Variants in NRXN3 observed in about 807,000 individuals in gnomAD.
NRXN3 encodes neurexin III.
In NRXN3, 32 loss-of-function variants were observed where a neutral mutation model predicts 137.6. That is an observed-to-expected ratio of 0.23 (90% confidence interval 0.18 to 0.31). The LOEUF (loss-of-function observed/expected upper bound fraction) is 0.31. NRXN3 is among the 10% of genes least tolerant of loss of function. The pLI, the probability that NRXN3 is intolerant of heterozygous loss-of-function variation, is 1.00. For missense variants in NRXN3, 1,574 were observed against 2,062.5 expected (o/e 0.76, Z 4.59); for synonymous variants, 798 against 784.5 (o/e 1.02, Z -0.29).
At chr14:78,434,962 G>A (rs554501376) in intron 4 of NRXN3, among the ~76,000 whole-genome samples, 1 of 152,262 alleles carries the variant, frequency 6.6e-6, no homozygotes, top group Admixed American at 6.5e-5. Flanking sequence ...GACAGAGAGG[G>A]GCTTGCAGGC....
intron 1 of NRXN3, among the ~76,000 whole-genome samples, chr14:78,238,340 C>T (rs895089302): frequency 1.3e-5 from 2 of 152,198 alleles, no homozygotes; most frequent in Non-Finnish European, 2.9e-5. Flanking sequence ...CAGCCCGGGC[C>T]CTGCATGCAG....
intron 10 of NRXN3, among the ~76,000 whole-genome samples, chr14:78,893,761 A>G (rs1402966303): frequency 6.6e-6 from 1 of 151,898 alleles, no homozygotes; most frequent in East Asian, 1.9e-4. Flanking sequence ...GAAGTCCTTT[A>G]TTCAGTCTAG....
chr14:78,644,218 GA>G (rs1327506625), intron 4 of NRXN3, among the ~76,000 whole-genome samples: 1 of 151,968 alleles, frequency 6.6e-6, no homozygotes, highest in Non-Finnish European at 1.5e-5. Context: ...CACAAGCCCT[GA>G]AAAACAGGCT....
chr14:78,988,002 C>T lies in NRXN3; in HGVS notation c.3143-20C>T. 5 of 1,593,432 alleles carry T rather than the reference C, an allele frequency of 3.1e-6. No homozygotes were observed. Among genetic ancestry groups the T allele is most frequent in the Admixed American group, 3.6e-5 (2 of 55,486 alleles). On this transcript the variant is annotated intron_variant, in intron 14 of 20. Transcript: ENST00000335750. The stretch of plus-strand genomic sequence containing the variant: ...TCTCTCTCCTTTTTCTTTTTTTCCC[C>T]TCTTCTTGTGCATTACTAGGACCCA...
At chr14:79,102,044 G>A (rs1033137869) in intron 15 of NRXN3, among the ~76,000 whole-genome samples, 2 of 152,222 alleles carry the variant, frequency 1.3e-5, no homozygotes, top group East Asian at 1.9e-4. Context: ...GAAAGTAATG[G>A]AACCAATTCT....
At chr14:79,479,450 A>T (rs1052238010) in intron 16 of NRXN3, among the ~76,000 whole-genome samples, 1 of 152,044 alleles carries the variant, frequency 6.6e-6, no homozygotes, top group African/African-American at 2.4e-5. Context: ...ACTTAGACTT[A>T]ATCATTGATA....
At chr14:78,498,037 G>T (rs1038675004) in intron 4 of NRXN3, among the ~76,000 whole-genome samples, 6 of 152,178 alleles carry the variant, frequency 3.9e-5, no homozygotes, top group Admixed American at 2.0e-4. Flanking sequence ...CCTAGTATGT[G>T]TTAAGTATTA....
chr14:79,713,164 CTTTT>C (rs574716352), intron 19 of NRXN3, among the ~76,000 whole-genome samples: 3,174 of 80,906 alleles, frequency 0.039, 86 homozygotes, highest in African/African-American at 0.1. Context: ...CTGATTTTTA[CTTTT>C]TTTTTTTTTT....
chr14:78,294,555 CAAAAA>C (rs199592742), intron 3 of NRXN3, among the ~76,000 whole-genome samples: 5 of 106,436 alleles, frequency 4.7e-5, no homozygotes, highest in Non-Finnish European at 7.3e-5. Context: ...GATTCCGTCT[CAAAAA>C]AAAAAAAAAA....
intron 19 of NRXN3, among the ~76,000 whole-genome samples, chr14:79,798,966 G>C (rs2099168816): frequency 1.3e-5 from 2 of 152,186 alleles, no homozygotes; most frequent in South Asian, 2.1e-4. Flanking sequence ...GTGAAACTTA[G>C]GGAATTGGAA....
chr14:79,014,472 T>C (rs1213640409), intron 15 of NRXN3, among the ~76,000 whole-genome samples: 1 of 152,220 alleles, frequency 6.6e-6, no homozygotes, highest in Non-Finnish European at 1.5e-5. Flanking sequence ...CCATGGCATA[T>C]ATGTATCACA....
chr14:79,197,617 T>G (rs1259991933), intron 15 of NRXN3, among the ~76,000 whole-genome samples: 7 of 152,100 alleles, frequency 4.6e-5, no homozygotes, highest in Admixed American at 4.6e-4. Context: ...GAACTCTAAT[T>G]ATCCGTTGTC....
At chr14:78,520,838 A>C (rs992313339) in intron 4 of NRXN3, among the ~76,000 whole-genome samples, 1 of 152,206 alleles carries the variant, frequency 6.6e-6, no homozygotes, top group African/African-American at 2.4e-5. Context: ...GAATTAGCAC[A>C]GTGAAAGTTA....
chr14:78,713,317 A>C (rs1429183875), intron 7 of NRXN3, among the ~76,000 whole-genome samples: 1 of 152,028 alleles, frequency 6.6e-6, no homozygotes, highest in African/African-American at 2.4e-5. Context: ...TCTCTATTCT[A>C]GCCACACATC....
chr14:79,021,728 T>C (rs183727010), intron 15 of NRXN3, among the ~76,000 whole-genome samples: 4 of 152,334 alleles, frequency 2.6e-5, no homozygotes, highest in Admixed American at 2.6e-4. Flanking sequence ...AAAATTGGCT[T>C]GGCAGTGCCT....
At chr14:78,248,295 G>GC (rs1215142567) in intron 2 of NRXN3, among the ~76,000 whole-genome samples, 20 of 14,364 alleles carry the variant, frequency 1.4e-3, no homozygotes, top group Admixed American at 3.8e-3. Context: ...ACTAGCCACC[G>GC]CCCCCCGCCC....
intron 15 of NRXN3, among the ~76,000 whole-genome samples, chr14:79,308,631 G>T (rs1039668032): frequency 3.3e-5 from 5 of 152,032 alleles, no homozygotes; most frequent in African/African-American, 9.7e-5. Context: ...TTTCCTGGCT[G>T]CCCTGTAGAT....
intron 8 of NRXN3, among the ~76,000 whole-genome samples, chr14:78,743,991 A>C (rs2152932890): frequency 6.6e-6 from 1 of 152,314 alleles, no homozygotes; most frequent in East Asian, 1.9e-4. Context: ...CTGGTTGTTT[A>C]GGTCTAAACT....
At chr14:78,849,193 G>A (rs1455578121) in intron 10 of NRXN3, among the ~76,000 whole-genome samples, 3 of 152,100 alleles carry the variant, frequency 2.0e-5, no homozygotes, top group Non-Finnish European at 4.4e-5. Flanking sequence ...GAGTCCTCAG[G>A]CAAGTTAGTT....
Sources: gnomAD v4.1 joint callset for allele counts (sites outside exome capture counted in the v4.1 genomes callset) on GRCh38, gnomAD v4.1.1 for gene constraint, MANE v1.5 for transcripts, NCBI Gene and HGNC (gene_info 2026-07-23, HGNC 2026-07-21) for gene names.